Variants in EIF4A2 observed in about 807,000 individuals in gnomAD.
EIF4A2 encodes eukaryotic translation initiation factor 4A2, also known as eukaryotic initiation factor 4A-II.
EIF4A2 carries 9 observed loss-of-function variants against 50.6 expected under a neutral mutation model. That is an observed-to-expected ratio of 0.18 (90% CI 0.11 to 0.31). The LOEUF (loss-of-function observed/expected upper bound fraction) is 0.31. Among genes scored for constraint, EIF4A2 ranks in the 10% least tolerant of loss-of-function variants. The probability of loss-of-function intolerance (pLI) is 1.00; values close to 1 mark genes in which losing one functional copy is unlikely to be tolerated. For missense variants in EIF4A2, 182 were observed against 501.8 expected, an observed-to-expected ratio of 0.36 and a Z score of 6.09; for synonymous variants, 215 against 164.4, an observed-to-expected ratio of 1.31 and a Z score of -2.35.
Position 186,787,165 on chromosome 3 carries a change from A to T in EIF4A2, c.810A>T (p.Thr270=). 1 of 1,614,086 alleles carries T rather than the reference A, an allele frequency of 6.2e-7. No individual in the cohort carries two copies. The highest frequency in any genetic ancestry group is 8.5e-7 in the Non-Finnish European group (1 of 1,179,980). ...KLDTLCDLYE[T]LTITQAVIFL... is the part of the protein sequence containing the mutation. ...ATACACTTTGTGACTTGTACGAGAC[A>T]CTGACCATTACACAGGCTGTTATTT... Residue 270 remains threonine, a synonymous_variant, in exon 8 of 11, where the codon ACA becomes ACT. Transcript: ENST00000323963.
Position 186,787,192 on chromosome 3 carries a change from T to C in EIF4A2, c.837T>C (p.Phe279=), listed in dbSNP as rs1344431836. 3 of 1,614,124 alleles carry C rather than the reference T, an allele frequency of 1.9e-6. No homozygotes were observed. The highest frequency in any genetic ancestry group is 2.5e-6 in the Non-Finnish European group (3 of 1,179,996). Reference sequence around the variant, plus strand: ...TGACCATTACACAGGCTGTTATTTTTCTCAATACGAGGCGCAAGGTGGACT... The same window carrying C: ...TGACCATTACACAGGCTGTTATTTTCCTCAATACGAGGCGCAAGGTGGACT... ...ETLTITQAVI[F]LNTRRKVDWL... The change falls in exon 8 of 11, where the codon TTT becomes TTC. Residue 279 remains phenylalanine (F), a synonymous_variant. Coordinates refer to ENST00000323963, the MANE Select transcript of EIF4A2 (RefSeq NM_001967.4).
chr3:186,785,271 AG>A (rs2108455929), intron 4 of EIF4A2, 170 bp downstream of exon 4: 2 of 932,096 alleles, frequency 2.1e-6, no homozygotes, highest in Non-Finnish European at 3.2e-6. Flanking sequence ...CTGGGTATGC[AG>A]GTATGGTTTG....
intron 2 of EIF4A2, 39 bp from the exon 3 acceptor site, chr3:186,784,525 C>T (rs547805544): frequency 3.1e-6 from 5 of 1,614,010 alleles, no homozygotes; most frequent in East Asian, 2.2e-5. Flanking sequence ...TGAGTGTGTT[C>T]ATCTCATTTA....
At chr3:186,788,836 C>A in intron 10 of EIF4A2, 1 of 327,962 alleles carries the variant, frequency 3.0e-6, no homozygotes, top group Non-Finnish European at 5.6e-6. Context: ...TTGGTATGGG[C>A]TTTAATTTCA....
intron 8 of EIF4A2, 88 bp from the exon 9 acceptor site, chr3:186,787,407 G>A: frequency 6.2e-7 from 1 of 1,607,660 alleles, no homozygotes; most frequent in Non-Finnish European, 8.5e-7. Flanking sequence ...TCCTGTAGCA[G>A]CCAGGGACGC....
intron 7 of EIF4A2, 45 bp from the exon 8 acceptor site, chr3:186,787,082 T>C (rs983051783): frequency 3.7e-6 from 6 of 1,609,472 alleles, no homozygotes; most frequent in Middle Eastern, 2.2e-4. Context: ...ACTGAAGAGT[T>C]GGAAAAACTA....
At chr3:186,784,725 T>G in intron 3 of EIF4A2, 29 bp downstream of exon 3, 7 of 1,611,372 alleles carry the variant, frequency 4.3e-6, no homozygotes, top group Non-Finnish European at 5.9e-6. Flanking sequence ...TTTAGGAAAT[T>G]GTTCTACATA....
rs752225859 is a variant in EIF4A2, at chr3:186,783,677, G to A, written c.29+38G>A. 26 of 1,613,940 alleles carry A rather than the reference G, an allele frequency of 1.6e-5. No individual in the cohort carries two copies. In the East Asian group the frequency reaches 5.8e-4, roughly 36 times the overall value. On this transcript the variant is annotated intron_variant, in intron 1 of 10. Transcript: ENST00000323963. ...TTGGCGGTCGCGGTCTGTAGTGAAG[G>A]TCATAGGGCGCCAGGGGAGATGATA...
chr3:186,786,463 T>C (rs1287032404), intron 6 of EIF4A2, 39 bp from the exon 7 acceptor site: 2 of 1,604,740 alleles, frequency 1.2e-6, no homozygotes. Context: ...TGGGTATTAA[T>C]GTGTAAGTTG....
Sources: gnomAD v4.1 joint callset for allele counts on GRCh38, gnomAD v4.1.1 for gene constraint, MANE v1.5 for transcripts, NCBI Gene and HGNC (gene_info 2026-07-23, HGNC 2026-07-21) for gene names.